PPIL4: variants seen among roughly 807,000 people sequenced by gnomAD.
The protein encoded by PPIL4 is peptidyl-prolyl cis-trans isomerase-like 4.
PPIL4 carries 50 observed loss-of-function variants against 69.1 expected under a neutral mutation model. The ratio of observed to expected loss-of-function variants is 0.72; its 90% CI spans 0.58 to 0.92. The LOEUF (loss-of-function observed/expected upper bound fraction) is 0.92, where lower values mean the gene tolerates loss of function less well. PPIL4 is among the 40% of genes least tolerant of loss of function. The pLI is 0.00. For missense variants in PPIL4, 480 were observed against 587.9 expected (o/e 0.82, Z 1.90); for synonymous variants, 193 against 191.6 (o/e 1.01, Z -0.06).
intron 4 of PPIL4, among the ~76,000 whole-genome samples, chr6:149,536,145 A>C (rs376494139): frequency 1.3e-5 from 2 of 152,208 alleles, no homozygotes; most frequent in East Asian, 3.9e-4. Flanking sequence ...GGGCACCACA[A>C]ACTGTGCCCA....
chr6:149,527,951 T>G (rs1313731090), intron 7 of PPIL4, among the ~76,000 whole-genome samples: 1 of 152,148 alleles, frequency 6.6e-6, no homozygotes, highest in Non-Finnish European at 1.5e-5. Flanking sequence ...AAAGACAACA[T>G]TATGTCCAAT....
chr6:149,529,187 C>T (rs1777152134), intron 7 of PPIL4, among the ~76,000 whole-genome samples: 1 of 151,342 alleles, frequency 6.6e-6, no homozygotes, highest in East Asian at 1.9e-4. Flanking sequence ...ATGACAGCAC[C>T]ACTGCACTCC....
intron 12 of PPIL4, 56 bp from the exon 13 acceptor site, chr6:149,505,760 A>C: frequency 6.5e-7 from 1 of 1,527,136 alleles, no homozygotes; most frequent in Non-Finnish European, 8.9e-7. Context: ...TTTTGTGGGC[A>C]TTTTCAATTA....
At chr6:149,535,524 C>T (rs1777262956) in intron 5 of PPIL4, 72 bp downstream of exon 5, 7 of 1,215,810 alleles carry the variant, frequency 5.8e-6, no homozygotes, top group Non-Finnish European at 7.1e-6. Context: ...CGTTCCTATC[C>T]ATACCACTAC....
chr6:149,531,578 A>G (rs1345005261), intron 7 of PPIL4, among the ~76,000 whole-genome samples: 1 of 152,068 alleles, frequency 6.6e-6, no homozygotes, highest in Non-Finnish European at 1.5e-5. Flanking sequence ...GCAACAGATG[A>G]TAAGTCACGA....
At chr6:149,521,012 CAA>C (rs373268154) in intron 10 of PPIL4, 46 bp downstream of exon 10, 16,056 of 830,786 alleles carry the variant, frequency 0.019, no homozygotes, top group South Asian at 0.022. Flanking sequence ...GACTCCATCT[CAA>C]AAAAAAAAAA....
chr6:149,521,463 T>C (rs530498530), intron 9 of PPIL4, among the ~76,000 whole-genome samples: 28 of 152,300 alleles, frequency 1.8e-4, no homozygotes, highest in Non-Finnish European at 3.7e-4. Flanking sequence ...AGTGAACAGA[T>C]AAATATACAC....
intron 12 of PPIL4, 52 bp from the exon 13 acceptor site, chr6:149,505,756 G>A: frequency 1.3e-6 from 2 of 1,548,892 alleles, no homozygotes; most frequent in South Asian, 2.4e-5. Context: ...ATCATTTTGT[G>A]GGCATTTTCA....
chr6:149,515,962 T>C (rs1217515191), intron 11 of PPIL4, among the ~76,000 whole-genome samples: 1 of 152,220 alleles, frequency 6.6e-6, no homozygotes, highest in East Asian at 1.9e-4. Context: ...CCACCATGCC[T>C]TCTTAACTGA....
intron 7 of PPIL4, among the ~76,000 whole-genome samples, chr6:149,531,316 G>A (rs1583210192): frequency 6.9e-6 from 1 of 144,808 alleles, no homozygotes; most frequent in African/African-American, 2.6e-5. Context: ...AGTGAGCCAA[G>A]ATCGTGCCAT....
At chr6:149,520,042 T>C (rs901445058) in intron 10 of PPIL4, among the ~76,000 whole-genome samples, 5 of 152,194 alleles carry the variant, frequency 3.3e-5, no homozygotes, top group African/African-American at 4.8e-5. Context: ...AGGTGGAACA[T>C]ACTGCTATGG....
intron 4 of PPIL4, among the ~76,000 whole-genome samples, chr6:149,537,559 T>C (rs958673573): frequency 1.3e-5 from 2 of 151,712 alleles, no homozygotes; most frequent in South Asian, 4.2e-4. Flanking sequence ...TACAAAAAAT[T>C]AGCCGGGCGT....
chr6:149,524,591 A>AAGTT (rs1244413012), intron 9 of PPIL4, among the ~76,000 whole-genome samples: 1 of 152,202 alleles, frequency 6.6e-6, no homozygotes, highest in Non-Finnish European at 1.5e-5. Context: ...GAAGGGCTTT[A>AAGTT]CTTAGAACTT....
At chr6:149,543,925 G>C (rs1181675652) in intron 1 of PPIL4, among the ~76,000 whole-genome samples, 1 of 152,214 alleles carries the variant, frequency 6.6e-6, no homozygotes, top group East Asian at 1.9e-4. Context: ...AGAAAAGGAA[G>C]AAAGAATGGA....
At chr6:149,523,752 T>G (rs968728936) in intron 9 of PPIL4, among the ~76,000 whole-genome samples, 2 of 150,936 alleles carry the variant, frequency 1.3e-5, no homozygotes, top group African/African-American at 4.9e-5. Context: ...ACTCAAAACA[T>G]GGGCAGTCAT....
intron 12 of PPIL4, among the ~76,000 whole-genome samples, chr6:149,506,596 G>C (rs1222639809): frequency 2.0e-5 from 3 of 152,190 alleles, no homozygotes; most frequent in Admixed American, 6.6e-5. Context: ...ACAGAAGTTA[G>C]AGAGGAGAAT....
chr6:149,531,531 CAA>C (rs113611329), intron 7 of PPIL4, among the ~76,000 whole-genome samples: 4 of 135,394 alleles, frequency 3.0e-5, no homozygotes, highest in Non-Finnish European at 6.4e-5. Context: ...AACTCCGTCT[CAA>C]AAAAAAAAAA....
intron 7 of PPIL4, among the ~76,000 whole-genome samples, chr6:149,533,195 A>G (rs1300482190): frequency 6.6e-6 from 1 of 152,228 alleles, no homozygotes; most frequent in African/African-American, 2.4e-5. Flanking sequence ...AATGAGATGA[A>G]TATTAAACAA....
In PPIL4 at chr6:149,525,135, T is replaced by C. The variant is rs1777087592; in HGVS notation, c.870+8A>G. 3.5e-6 allele frequency: 5 copies of C among 1,436,052 alleles called. No individual in the cohort carries two copies. The East Asian group carries it at 9.2e-5, about 27-fold the overall frequency. The allele number at this position is 1,436,052 out of a possible 1,614,324, so 89.0% of individuals were successfully genotyped here. Reference sequence around the variant, plus strand: ...AAATACCAAACTTATGTCTGTATTATGACATACCTTTTCAAATTCAATAAA... The same window carrying C: ...AAATACCAAACTTATGTCTGTATTACGACATACCTTTTCAAATTCAATAAA... On this transcript the variant is annotated splice_region_variant and intron_variant, in intron 9 of 12. Transcript: ENST00000253329.
Sources: gnomAD v4.1 joint callset for allele counts (sites outside exome capture counted in the v4.1 genomes callset) on GRCh38, gnomAD v4.1.1 for gene constraint, MANE v1.5 for transcripts, NCBI Gene and HGNC (gene_info 2026-07-23, HGNC 2026-07-21) for gene names.